LOXL2: variants seen among roughly 807,000 people sequenced by gnomAD.
LOXL2 encodes the protein lysyl oxidase homolog 2.
In LOXL2, 70 loss-of-function variants were observed where a neutral mutation model predicts 93.0. The ratio of observed to expected loss-of-function variants is 0.75; its 90% CI spans 0.62 to 0.92. LOXL2 has a LOEUF of 0.92. Among genes scored for constraint, LOXL2 ranks in the 40% least tolerant of loss-of-function variants. The pLI is 0.00. For synonymous variants in LOXL2, 438 were observed against 413.2 expected (o/e 1.06, Z -0.73); for missense variants, 973 against 1,054.9 (o/e 0.92, Z 1.08).
chr8:23,380,506 A>G (rs1804667789), intron 1 of LOXL2, among the ~76,000 whole-genome samples: 1 of 152,094 alleles, frequency 6.6e-6, no homozygotes, highest in East Asian at 1.9e-4. Flanking sequence ...TTCAACTCCT[A>G]AATCTTTTCT....
At chr8:23,351,030 A>G (rs1236640476) in intron 3 of LOXL2, among the ~76,000 whole-genome samples, 1 of 152,162 alleles carries the variant, frequency 6.6e-6, no homozygotes, top group Non-Finnish European at 1.5e-5. Context: ...CACCATGGTA[A>G]CACAGTCATG....
intron 1 of LOXL2, chr8:23,386,022 G>C (rs987552858): frequency 1.3e-6 from 1 of 765,176 alleles, no homozygotes; most frequent in African/African-American, 1.7e-5. Flanking sequence ...CCCTGAGCAA[G>C]GTATTATCAG....
chr8:23,346,673 C>T (rs1031088096), intron 3 of LOXL2, among the ~76,000 whole-genome samples: 5 of 152,172 alleles, frequency 3.3e-5, no homozygotes, highest in African/African-American at 1.2e-4. Context: ...GGGAAAGGTA[C>T]AAGGAGAAGC....
intron 1 of LOXL2, among the ~76,000 whole-genome samples, chr8:23,399,335 G>A (rs191623055): frequency 5.5e-4 from 84 of 152,316 alleles, no homozygotes; most frequent in African/African-American, 1.9e-3. Context: ...GTTTGAATAG[G>A]TGTCCCTCCA....
intron 4 of LOXL2, 65 bp downstream of exon 4, chr8:23,340,927 C>G (rs1368761236): frequency 7.0e-7 from 1 of 1,424,754 alleles, no homozygotes; most frequent in African/African-American, 1.4e-5. Flanking sequence ...CCAGGGCGGA[C>G]ACTTTTAACT....
intron 1 of LOXL2, among the ~76,000 whole-genome samples, chr8:23,396,299 A>G (rs879428879): frequency 5.3e-5 from 8 of 151,834 alleles, no homozygotes; most frequent in Admixed American, 3.9e-4. Context: ...CCTGGACAAC[A>G]AGAGCAAAAC....
At chr8:23,339,090 C>A (rs1803840203) in intron 4 of LOXL2, among the ~76,000 whole-genome samples, 1 of 152,218 alleles carries the variant, frequency 6.6e-6, no homozygotes, top group African/African-American at 2.4e-5. Flanking sequence ...CCCCGACAGC[C>A]CACCGAGGCA....
intron 1 of LOXL2, among the ~76,000 whole-genome samples, chr8:23,375,180 C>T (rs1804568188): frequency 6.6e-6 from 1 of 152,184 alleles, no homozygotes; most frequent in South Asian, 2.1e-4. Flanking sequence ...CCAGTTTTCC[C>T]AGCACCATTT....
Position 23,328,554 on chromosome 8 carries a change from C to T in LOXL2, c.978G>A (p.Val326=), listed in dbSNP as rs1803624851. ...CGATGTAGGCACCGCCTCTCAGTCG[C>T]ACCAGGGGTTGCTGAAGAGACACAC... ...RKAYKPEQPL[V]RLRGGAYIGE... Residue 326 remains valine (V), a synonymous_variant, in exon 6 of 14, where the codon GTG becomes GTA. Coordinates refer to ENST00000389131, the MANE Select transcript of LOXL2 (RefSeq NM_002318.3). 6.2e-7 allele frequency: 1 copy of T among 1,613,972 alleles called. No individual in the cohort carries two copies. Among genetic ancestry groups the T allele is most frequent in the African/African-American group, 1.3e-5 (1 of 75,062 alleles).
At position 23,368,018 on chromosome 8, in the gene LOXL2, A is replaced by T. The variant is rs754453058; in HGVS notation, c.334T>A (p.Ser112Thr). The change falls in exon 2 of 14, where the codon TCC becomes ACC. Residue 112 changes from serine to threonine, a missense_variant. Coordinates refer to ENST00000389131, the MANE Select transcript of LOXL2 (RefSeq NM_002318.3). ...YVEAKSWTAS[S>T]SYGKGEGPIW... is the part of the protein sequence containing the mutation. ...TTACCTTCTCCCTTGCCGTAGGAGGAGCTGGCAGTCCAGGACTTGGCCTCC... is the reference window on the plus strand; with the variant it reads ...TTACCTTCTCCCTTGCCGTAGGAGGTGCTGGCAGTCCAGGACTTGGCCTCC... 1 of 1,613,292 alleles carries T rather than the reference A, an allele frequency of 6.2e-7. No individual in the cohort carries two copies. The highest frequency in any genetic ancestry group is 2.2e-5 in the East Asian group (1 of 44,868).
chr8:23,380,120 C>T (rs970560620), intron 1 of LOXL2, among the ~76,000 whole-genome samples: 5 of 152,214 alleles, frequency 3.3e-5, no homozygotes, highest in African/African-American at 1.2e-4. Context: ...TTAGGCCAGG[C>T]GTGCTGGCTT....
chr8:23,319,653 G>A (rs1803461841), intron 8 of LOXL2, among the ~76,000 whole-genome samples: 2 of 152,106 alleles, frequency 1.3e-5, no homozygotes, highest in Admixed American at 6.5e-5. Context: ...CCAGCCCCTC[G>A]TTCTGCAGCC....
At chr8:23,311,891 G>A (rs1803323970) in intron 9 of LOXL2, among the ~76,000 whole-genome samples, 1 of 152,210 alleles carries the variant, frequency 6.6e-6, no homozygotes, top group African/African-American at 2.4e-5. Context: ...GCTGCTTTGG[G>A]AGAAGTTGTG....
At chr8:23,376,208 T>C (rs1304637121) in intron 1 of LOXL2, among the ~76,000 whole-genome samples, 1 of 152,242 alleles carries the variant, frequency 6.6e-6, no homozygotes, top group Non-Finnish European at 1.5e-5. Flanking sequence ...ATGTGGTTTT[T>C]GTCTTTGGTT....
intron 1 of LOXL2, among the ~76,000 whole-genome samples, chr8:23,402,961 C>CCCTCG (rs1417713552): frequency 6.6e-6 from 1 of 152,112 alleles, no homozygotes; most frequent in Non-Finnish European, 1.5e-5. Context: ...CTTCCTCACA[C>CCCTCG]CCTCGCCCCG....
chr8:23,403,383 C>T (rs1022702064), intron 1 of LOXL2, among the ~76,000 whole-genome samples: 1 of 152,320 alleles, frequency 6.6e-6, no homozygotes, highest in African/African-American at 2.4e-5. Context: ...CCCGCGCTCC[C>T]AACAGCCTTT....
chr8:23,376,573 C>CT (rs1245355416), intron 1 of LOXL2, among the ~76,000 whole-genome samples: 2 of 151,958 alleles, frequency 1.3e-5, no homozygotes, highest in South Asian at 2.1e-4. Flanking sequence ...TGGTCCTGGC[C>CT]TTTTTTTGGT....
rs761494870 is a variant in LOXL2, at chr8:23,309,714, G to A, written c.1834C>T (p.Arg612Trp). ...CACGCGTGGCGGCCGTTCTTGGGCC[G>A]GAAGTCGGACTGGCCATTGTTGTGG... ...QIHNNGQSDF[R>W]PKNGRHAWIW... is the part of the protein sequence containing the mutation. Residue 612 changes from arginine (R) to tryptophan (W), a missense_variant, in exon 10 of 14, where the codon CGG becomes TGG. Arg to Trp is a moderately radical substitution (Grantham distance 101). Transcript: ENST00000389131. The A allele has an allele frequency of 1.0e-5, 16 of 1,570,524 alleles. No individual in the cohort carries two copies. Among genetic ancestry groups the A allele is most frequent in the South Asian group, 5.8e-5 (5 of 85,610 alleles).
At chr8:23,303,466 G>A in intron 10 of LOXL2, 69 bp from the exon 11 acceptor site, 5 of 924,756 alleles carry the variant, frequency 5.4e-6, no homozygotes, top group Non-Finnish European at 7.1e-6. Flanking sequence ...CAGAGGCCTG[G>A]CTGGCGATTT....
Sources: gnomAD v4.1 joint callset for allele counts (sites outside exome capture counted in the v4.1 genomes callset) on GRCh38, gnomAD v4.1.1 for gene constraint, MANE v1.5 for transcripts, NCBI Gene and HGNC (gene_info 2026-07-23, HGNC 2026-07-21) for gene names.